Variants in UROS observed in about 807,000 individuals in gnomAD.
UROS encodes uroporphyrinogen-III synthase.
In UROS, 18 loss-of-function variants were observed where a neutral mutation model predicts 33.0. That is an observed-to-expected ratio of 0.55 (90% CI 0.38 to 0.81). The LOEUF is 0.81. UROS is among the 30% of genes least tolerant of loss of function. The pLI is 0.00. For missense variants in UROS, 293 were observed against 314.9 expected, an observed-to-expected ratio of 0.93 and a Z score of 0.53; for synonymous variants, 114 against 121.1, an observed-to-expected ratio of 0.94 and a Z score of 0.38.
At chr10:125,813,784 T>C (rs1425820101) in intron 4 of UROS, among the ~76,000 whole-genome samples, 2 of 152,262 alleles carry the variant, frequency 1.3e-5, no homozygotes, top group African/African-American at 2.4e-5. Flanking sequence ...TGGCTGGCTC[T>C]GAGTTTCTTA....
At chr10:125,803,839 T>C (rs1852064562) in intron 6 of UROS, among the ~76,000 whole-genome samples, 2 of 152,194 alleles carry the variant, frequency 1.3e-5, no homozygotes, top group African/African-American at 4.8e-5. Flanking sequence ...AGTGGCTCCC[T>C]CTGAGTGGGA....
At chr10:125,822,898 G>C (rs1564812335) in intron 1 of UROS, 131 bp downstream of exon 1, 1 of 152,222 alleles carries the variant, frequency 6.6e-6, no homozygotes, top group South Asian at 2.1e-4. Flanking sequence ...GGACATCCCC[G>C]CCTGGGCAGG....
rs1294189718 is a variant in UROS, at chr10:125,796,103, C to T, written c.561G>A (p.Gln187=). The T allele has an allele frequency of 1.2e-6, 2 of 1,614,166 alleles. No individual in the cohort carries two copies. The highest frequency in any genetic ancestry group is 8.5e-7 in the Non-Finnish European group (1 of 1,180,048). ...AGAACCGCCCCCAAACGCCACGTAC[C>T]TGCTGGGAATAGTAGCTGTTCAGGT... ...QGNLNSYYSQ[Q]GVPASITFFS... The change falls in exon 8 of 10, where the codon CAG becomes CAA. Residue 187 remains glutamine, a splice_region_variant and synonymous_variant. Coordinates refer to ENST00000368797, the MANE Select transcript of UROS (RefSeq NM_000375.3).
chr10:125,795,330 C>A, intron 8 of UROS: 1 of 327,010 alleles, frequency 3.1e-6, no homozygotes, highest in Non-Finnish European at 5.8e-6. Flanking sequence ...TGAGGCAGTG[C>A]TGGCTCCCTG....
chr10:125,810,687 AG>A (rs2133917894), intron 5 of UROS, among the ~76,000 whole-genome samples: 1 of 152,308 alleles, frequency 6.6e-6, no homozygotes, highest in South Asian at 2.1e-4. Context: ...ATAACTCTCC[AG>A]GCTCCTGCTG....
At chr10:125,800,854 G>C (rs535198686) in intron 6 of UROS, among the ~76,000 whole-genome samples, 158 of 152,300 alleles carry the variant, frequency 1.0e-3, no homozygotes, top group African/African-American at 3.6e-3. Context: ...ACAGGAGTGA[G>C]CCACTGCGCC....
At chr10:125,785,192 C>T (rs1378750475), downstream of UROS, 1 of 152,156 alleles carries the variant, frequency 6.6e-6, no homozygotes, top group East Asian at 1.9e-4. Flanking sequence ...TCACCTTGTT[C>T]CAGAAAACTT....
Position 125,822,604 on chromosome 10 carries a change from T to C in UROS, c.-27+425A>G, listed in dbSNP as rs547819239. On this transcript the variant is annotated intron_variant, in intron 1 of 9. Coordinates refer to ENST00000368797, the MANE Select transcript of UROS (RefSeq NM_000375.3). ...TCCCAAAGTGCTGGGATTACAGGTGTCCGCCACCACGCCCGGCTAATTTTT... is the reference window on the plus strand; with the variant it reads ...TCCCAAAGTGCTGGGATTACAGGTGCCCGCCACCACGCCCGGCTAATTTTT... Among the ~76,000 whole-genome samples, 204 of 151,812 alleles carry C rather than the reference T, an allele frequency of 1.3e-3. 4 individuals are homozygous for C. In the South Asian group the frequency reaches 0.027, roughly 20 times the overall value.
intron 6 of UROS, among the ~76,000 whole-genome samples, chr10:125,801,177 TG>T (rs1851815551): frequency 6.6e-6 from 1 of 152,156 alleles, no homozygotes; most frequent in African/African-American, 2.4e-5. Flanking sequence ...ATCGGAGGAA[TG>T]GAAGAAAAGC....
chr10:125,817,696 C>T (rs563553289), intron 1 of UROS, among the ~76,000 whole-genome samples: 15 of 152,172 alleles, frequency 9.9e-5, no homozygotes, highest in African/African-American at 3.4e-4. Context: ...AGTCCACCTA[C>T]GAGGCTTAGG....
At chr10:125,822,708 T>C (rs1409122280) in intron 1 of UROS, among the ~76,000 whole-genome samples, 1 of 152,180 alleles carries the variant, frequency 6.6e-6, no homozygotes, top group East Asian at 1.9e-4. Context: ...TCCACCCGCT[T>C]TGACCTCCCT....
At chr10:125,822,737 C>A (rs985988989) in intron 1 of UROS, among the ~76,000 whole-genome samples, 3 of 152,214 alleles carry the variant, frequency 2.0e-5, no homozygotes, top group African/African-American at 7.2e-5. Flanking sequence ...GGATTACAGG[C>A]GCGAGACACC....
At chr10:125,819,472 T>C (rs1387123305) in intron 1 of UROS, among the ~76,000 whole-genome samples, 2 of 152,166 alleles carry the variant, frequency 1.3e-5, no homozygotes, top group Non-Finnish European at 2.9e-5. Flanking sequence ...TATGCCTCGC[T>C]TTCTTCTGCT....
intron 8 of UROS, chr10:125,795,233 G>A: frequency 1.9e-6 from 1 of 526,594 alleles, no homozygotes; most frequent in Non-Finnish European, 3.4e-6. Context: ...AGAGGACATG[G>A]GCATCCCGGA....
In UROS at chr10:125,788,847, G is replaced by C; in HGVS notation, c.*21C>G. The C allele has an allele frequency of 6.4e-7, 1 of 1,568,514 alleles. No homozygotes were observed. Among genetic ancestry groups the C allele is most frequent in the African/African-American group, 1.3e-5 (1 of 74,334 alleles). ...AGCCCAGCCCAGGGAGGCTGCATGG[G>C]GCCAGCGCTAGGTGGCTGACTCAGC... On this transcript the variant is annotated 3_prime_UTR_variant, in exon 10 of 10. Transcript: ENST00000368797.
chr10:125,820,928 T>C (rs1444199106), intron 1 of UROS, among the ~76,000 whole-genome samples: 1 of 152,220 alleles, frequency 6.6e-6, no homozygotes, highest in Non-Finnish European at 1.5e-5. Context: ...GTACTGTATT[T>C]ACTTTCACAT....
chr10:125,796,931 T>C (rs190990503), intron 7 of UROS: 2 of 840,444 alleles, frequency 2.4e-6, no homozygotes, highest in East Asian at 1.2e-4. Context: ...CCTATTGCCA[T>C]TTCATATCCC....
intron 1 of UROS, 85 bp from the exon 2 acceptor site, chr10:125,816,610 A>G (rs1187802695): frequency 7.5e-6 from 10 of 1,329,620 alleles, no homozygotes; most frequent in African/African-American, 4.3e-5. Context: ...ACACAAGAAG[A>G]AGGCAATCAA....
intron 4 of UROS, among the ~76,000 whole-genome samples, chr10:125,813,361 T>A (rs1316790918): frequency 6.6e-6 from 1 of 152,214 alleles, no homozygotes; most frequent in Non-Finnish European, 1.5e-5. Flanking sequence ...GGAAAATGCA[T>A]TTTAAACTTT....
Sources: gnomAD v4.1 joint callset for allele counts (sites outside exome capture counted in the v4.1 genomes callset) on GRCh38, gnomAD v4.1.1 for gene constraint, MANE v1.5 for transcripts, NCBI Gene and HGNC (gene_info 2026-07-23, HGNC 2026-07-21) for gene names.